The following CIMAP1D variants were observed in gnomAD, a reference collection of about 807,000 sequenced individuals.
CIMAP1D encodes protein CIMAP1D.
At chr19:480,724 G>A in the CIMAP1D span, among the ~76,000 whole-genome samples, 256 of 142,358 alleles carry the variant, frequency 1.8e-3, no homozygotes, top group African/African-American at 6.1e-3. Flanking sequence ...ATGTGGGAAG[G>A]ATGATGGGAA....
At chr19:466,897 T>G in the CIMAP1D span, among the ~76,000 whole-genome samples, 9 of 61,394 alleles carry the variant, frequency 1.5e-4, no homozygotes, top group Admixed American at 2.1e-4. Flanking sequence ...GATGGCTGGG[T>G]GGAGGGTGGA....
the CIMAP1D span, among the ~76,000 whole-genome samples, chr19:487,698 G>GA: frequency 6.6e-6 from 1 of 152,136 alleles, no homozygotes; most frequent in South Asian, 2.1e-4. Context: ...AGGCAGGGGG[G>GA]ATCAGCTGAG....
At chr19:491,591 G>A in the CIMAP1D span, among the ~76,000 whole-genome samples, 2 of 151,910 alleles carry the variant, frequency 1.3e-5, no homozygotes, top group African/African-American at 4.8e-5. Context: ...AGCTGACCAG[G>A]GCCCCAGGCC....
At chr19:480,471 A>T in the CIMAP1D span, among the ~76,000 whole-genome samples, 1 of 147,228 alleles carries the variant, frequency 6.8e-6, no homozygotes, top group Non-Finnish European at 1.5e-5. Flanking sequence ...GATGGGAAGG[A>T]TGATGGGGAA....
the CIMAP1D span, chr19:464,400 C>A: frequency 7.8e-7 from 1 of 1,287,218 alleles, no homozygotes; most frequent in Non-Finnish European, 1.1e-6. Flanking sequence ...GCACTGATGT[C>A]CTCACCTGCC....
chr19:474,882 C>T, the CIMAP1D span: 5 of 711,312 alleles, frequency 7.0e-6, no homozygotes, highest in Non-Finnish European at 8.2e-6. Context: ...CGACCACAGC[C>T]GCACAGACGG....
At chr19:476,018 A>G in the CIMAP1D span, among the ~76,000 whole-genome samples, 1 of 9,326 alleles carries the variant, frequency 1.1e-4, no homozygotes, top group African/African-American at 2.0e-4. Context: ...TTTTTTTTTG[A>G]GACAGAGTCT....
chr19:474,983 T>C, the CIMAP1D span: 43 of 404,914 alleles, frequency 1.1e-4, no homozygotes. Flanking sequence ...CGGGATCGAG[T>C]GTCGGCCAGG....
chr19:483,290 G>T, the CIMAP1D span, among the ~76,000 whole-genome samples: 1 of 73,542 alleles, frequency 1.4e-5, no homozygotes, highest in African/African-American at 4.2e-5. Context: ...AGGGATCCCT[G>T]GGACGCCTCT....
chr19:472,497 C>T, the CIMAP1D span: 525 of 1,541,242 alleles, frequency 3.4e-4, no homozygotes, highest in African/African-American at 2.5e-3. Context: ...AGCCTGGCCC[C>T]GAGCCTGCAG....
At chr19:487,283 C>T in the CIMAP1D span, among the ~76,000 whole-genome samples, 3 of 152,140 alleles carry the variant, frequency 2.0e-5, no homozygotes, top group East Asian at 1.9e-4. Context: ...GGGCGGCGTG[C>T]GCTGCAAGTG....
At chr19:487,901 T>C in the CIMAP1D span, among the ~76,000 whole-genome samples, 1 of 152,232 alleles carries the variant, frequency 6.6e-6, no homozygotes, top group Non-Finnish European at 1.5e-5. Flanking sequence ...ACCCCTGACC[T>C]ACTGGGTTAC....
chr19:484,446 T>A, the CIMAP1D span, among the ~76,000 whole-genome samples: 1 of 152,170 alleles, frequency 6.6e-6, no homozygotes, highest in Non-Finnish European at 1.5e-5. Flanking sequence ...TGGCCTCTTG[T>A]TTTATTTTTG....
the CIMAP1D span, among the ~76,000 whole-genome samples, chr19:465,609 G>T: frequency 1.4e-5 from 2 of 143,562 alleles, no homozygotes; most frequent in Admixed American, 1.4e-4. Context: ...ATGGGTGCAG[G>T]TCGGTGTGTG....
At chr19:488,375 A>C in the CIMAP1D span, among the ~76,000 whole-genome samples, 4 of 149,862 alleles carry the variant, frequency 2.7e-5, no homozygotes, top group South Asian at 8.5e-4. Flanking sequence ...ACAAACAATT[A>C]GCCGGGCGTG....
At chr19:465,052 A>G in the CIMAP1D span, among the ~76,000 whole-genome samples, 809 of 139,400 alleles carry the variant, frequency 5.8e-3, 8 homozygotes, top group African/African-American at 0.021. Context: ...GGGTGGATAG[A>G]TGATGGATGG....
the CIMAP1D span, among the ~76,000 whole-genome samples, chr19:491,131 C>A: frequency 4.6e-5 from 7 of 151,516 alleles, no homozygotes; most frequent in Admixed American, 1.3e-4. Flanking sequence ...ACAAAACTTA[C>A]CTGAGCATGG....
At chr19:477,844 TC>T in the CIMAP1D span, among the ~76,000 whole-genome samples, 3 of 152,066 alleles carry the variant, frequency 2.0e-5, no homozygotes, top group Non-Finnish European at 4.4e-5. Context: ...CTGCACGGCC[TC>T]GTCTCCACCT....
At chr19:488,365 AC>A in the CIMAP1D span, among the ~76,000 whole-genome samples, 1 of 131,082 alleles carries the variant, frequency 7.6e-6, no homozygotes, top group African/African-American at 3.3e-5. Flanking sequence ...TACTAAAAAT[AC>A]AAACAATTAG....
Sources: gnomAD v4.1 joint callset for allele counts (sites outside exome capture counted in the v4.1 genomes callset) on GRCh38, gnomAD v4.1.1 for gene constraint, MANE v1.5 for transcripts, NCBI Gene and HGNC (gene_info 2026-07-23, HGNC 2026-07-21) for gene names.